DGKZ: variants seen among roughly 807,000 people sequenced by gnomAD.
DGKZ encodes diacylglycerol kinase zeta.
Under a neutral mutation model 142.5 loss-of-function variants are expected in DGKZ, and 45 were observed. The ratio of observed to expected loss-of-function variants is 0.32; its 90% CI spans 0.25 to 0.40. The LOEUF is 0.40. DGKZ is among the 10% of genes least tolerant of loss of function. DGKZ has a pLI of 1.00. For missense variants in DGKZ, 755 were observed against 1,306.5 expected (o/e 0.58, Z 6.51); for synonymous variants, 442 against 527.0 (o/e 0.84, Z 2.21).
chr11:46,371,737 G>A (rs1943970760), exon 9 of DGKZ: 1 of 1,613,786 alleles, frequency 6.2e-7, no homozygotes, highest in East Asian at 2.2e-5. Flanking sequence ...GAAGAAGAGG[G>A]CATCCTTCAA....
At chr11:46,345,157 A>G (rs1590385199), upstream of DGKZ, 1 of 797,860 alleles carries the variant, frequency 1.3e-6, no homozygotes, top group African/African-American at 1.8e-5. The surrounding 1 kb of genome is among the most constrained non-coding windows in gnomAD (Gnocchi z 4.1). Flanking sequence ...AAAACCAGAC[A>G]GGAGCCCAGG....
exon 28 of DGKZ, chr11:46,379,101 G>A (rs765562392): frequency 4.4e-6 from 7 of 1,607,262 alleles, no homozygotes; most frequent in Non-Finnish European, 5.1e-6. Context: ...TCCGCTACCT[G>A]CTGGACCACG....
chr11:46,373,400 C>T (rs1157206734), intron 14 of DGKZ, among the ~76,000 whole-genome samples: 1 of 151,114 alleles, frequency 6.6e-6, no homozygotes, highest in East Asian at 1.9e-4. Context: ...GATTCTCCTG[C>T]CTCAGCCTCC....
chr11:46,361,423 C>CA (rs1444908517), intron 1 of DGKZ: 1 of 160,480 alleles, frequency 6.2e-6, no homozygotes. Context: ...AGCTGGGAGG[C>CA]ACGCTCGTGC....
intron 1 of DGKZ, among the ~76,000 whole-genome samples, chr11:46,352,352 C>T (rs1382068626): frequency 6.6e-6 from 1 of 152,170 alleles, no homozygotes; most frequent in Non-Finnish European, 1.5e-5. Flanking sequence ...GGAGCTTCTC[C>T]TTCCGCCAGT....
upstream of DGKZ, chr11:46,345,205 C>T: frequency 1.6e-6 from 2 of 1,276,996 alleles, no homozygotes; most frequent in South Asian, 2.3e-5. The surrounding 1 kb of genome is among the most constrained non-coding windows in gnomAD (Gnocchi z 4.1). Context: ...TGGCTGCCTC[C>T]TGGCTGCTGG....
intron 4 of DGKZ, 72 bp downstream of exon 4, chr11:46,368,151 C>T (rs760807408): frequency 1.3e-6 from 2 of 1,511,006 alleles, no homozygotes; most frequent in Non-Finnish European, 1.8e-6. Flanking sequence ...GCACTCACAC[C>T]CACATGTTAT....
upstream of DGKZ, chr11:46,345,517 A>C (rs1473039152): frequency 6.6e-7 from 1 of 1,520,924 alleles, no homozygotes; most frequent in Non-Finnish European, 8.8e-7. This position sits in a 1 kb window ranked among gnomAD's most constrained non-coding sequence, Gnocchi z 4.1. Flanking sequence ...GGCCGGGGTC[A>C]CTGAGGCAGA....
intron 1 of DGKZ, among the ~76,000 whole-genome samples, chr11:46,339,896 C>T (rs887116087): frequency 6.6e-6 from 1 of 152,200 alleles, no homozygotes; most frequent in Admixed American, 6.5e-5. Flanking sequence ...TCTTCAATGA[C>T]ATACAAAGAG....
At chr11:46,376,130 T>C (rs1190963215) in exon 22 of DGKZ, 1 of 1,611,054 alleles carries the variant, frequency 6.2e-7, no homozygotes, top group Non-Finnish European at 8.5e-7. Context: ...GTGCCCACAT[T>C]GAGAGACTCC....
Position 46,347,948 on chromosome 11 carries a change from G to A in DGKZ, c.161+128G>A. ...CTGACACTGAGTCGGGGAGAGGCTGGCACCGGCGGCACGAGCCGTCTTGGC... is the reference window on the plus strand; with the variant it reads ...CTGACACTGAGTCGGGGAGAGGCTGACACCGGCGGCACGAGCCGTCTTGGC... On this transcript the variant is annotated intron_variant, in intron 1 of 30. Transcript: ENST00000527911. The surrounding 1 kb of genome is among the most constrained non-coding windows in gnomAD (Gnocchi z 6.4). 1 of 1,215,408 alleles carries A rather than the reference G, an allele frequency of 8.2e-7. No homozygotes were observed. The highest frequency in any genetic ancestry group is 1.0e-6 in the Non-Finnish European group (1 of 964,524). 75.3% of individuals were successfully genotyped at this position (1,215,408 alleles called of 1,614,324 possible). A position where few individuals can be genotyped will look rare whatever the true frequency, so the allele number is the denominator to read the frequency against.
Position 46,374,586 on chromosome 11 carries a change from G to A in DGKZ, c.1462-18G>A, listed in dbSNP as rs776691025. On this transcript the variant is annotated intron_variant, in intron 16 of 30. Coordinates refer to ENST00000527911, the Ensembl canonical transcript of DGKZ. ...AAGATCTCTGTCAGCAGATGGTGAC[G>A]CCCTCTGTCTCCCACAGACAGCTTT... 1.6e-5 allele frequency: 25 copies of A among 1,590,072 alleles called. No homozygotes were observed. The highest frequency in any genetic ancestry group is 8.5e-5 in the Admixed American group (5 of 58,706).
At chr11:46,364,108 C>T (rs1160799478) in intron 1 of DGKZ, among the ~76,000 whole-genome samples, 1 of 152,222 alleles carries the variant, frequency 6.6e-6, no homozygotes, top group African/African-American at 2.4e-5. Context: ...GGTTCCCTTT[C>T]CTACCCCATC....
Position 46,367,154 on chromosome 11 carries a change from T to TA in DGKZ, c.162-136dup. On this transcript the variant is annotated intron_variant, in intron 1 of 30. Transcript: ENST00000527911. The surrounding 1 kb of genome is among the most constrained non-coding windows in gnomAD (Gnocchi z 4.1). The stretch of plus-strand genomic sequence containing the variant: ...GCCATGTCTCTTGCAGGGAGCCTCT[T>TA]AGTGTCTGGGGCTGCTGGGAGGCTC... The TA allele has an allele frequency of 8.1e-7, 1 of 1,234,774 alleles. No homozygotes were observed. The highest frequency in any genetic ancestry group is 1.3e-5 in the South Asian group (1 of 76,876). The allele number at this position is 1,234,774 out of a possible 1,614,324, so 76.5% of individuals were successfully genotyped here. A position where few individuals can be genotyped will look rare whatever the true frequency, so the allele number is the denominator to read the frequency against.
rs529684270 is a variant in DGKZ, at chr11:46,375,409, A to G, written c.1711-23A>G. 9.7e-5 allele frequency: 151 copies of G among 1,554,344 alleles called. 3 individuals are homozygous for G. The South Asian group carries it at 1.8e-3, about 18-fold the overall frequency. On this transcript the variant is annotated intron_variant, in intron 19 of 30. Coordinates refer to ENST00000527911, the Ensembl canonical transcript of DGKZ. Reference sequence around the variant, plus strand: ...CTGCCCCCAGCCCTGGTGCCATCTGACCCAAGCTTCCTGTGCCCACAGGCC... The same window carrying G: ...CTGCCCCCAGCCCTGGTGCCATCTGGCCCAAGCTTCCTGTGCCCACAGGCC...
chr11:46,372,481 C>T lies in DGKZ; in HGVS notation c.981C>T (p.Phe327=), dbSNP rs766327652. ...GGTATCTCAATCCCCGACAAGTCTT[C>T]GACCTGAGCCAGGGAGGGCCCAAGG... Residue 327 remains phenylalanine, a synonymous_variant, in exon 11 of 31, where the codon TTC becomes TTT. Transcript: ENST00000527911. The surrounding 1 kb of genome is among the most constrained non-coding windows in gnomAD (Gnocchi z 5.9). 1.9e-6 allele frequency: 3 copies of T among 1,613,914 alleles called. No individual in the cohort carries two copies. Among genetic ancestry groups the T allele is most frequent in the East Asian group, 2.2e-5 (1 of 44,900 alleles).
intron 1 of DGKZ, among the ~76,000 whole-genome samples, chr11:46,339,164 G>GCGGGTC (rs1940159053): frequency 6.6e-6 from 1 of 152,244 alleles, no homozygotes; most frequent in Admixed American, 6.5e-5. Context: ...GCACGCTGCT[G>GCGGGTC]CGGGTCCACG....
At chr11:46,378,920 G>T in intron 27 of DGKZ, 71 bp from the exon 28 acceptor site, 1 of 1,494,300 alleles carries the variant, frequency 6.7e-7, no homozygotes, top group Admixed American at 2.3e-5. Flanking sequence ...CCGGCTGTGG[G>T]CCAGCGTGTG....
intron 1 of DGKZ, among the ~76,000 whole-genome samples, chr11:46,351,967 A>T (rs1941438668): frequency 6.6e-6 from 1 of 152,134 alleles, no homozygotes; most frequent in Non-Finnish European, 1.5e-5. Flanking sequence ...TTGGCACAGG[A>T]GCTTGAGAGT....
Sources: allele counts gnomAD v4.1 joint callset (sites outside exome capture counted in the v4.1 genomes callset), GRCh38; gene constraint gnomAD v4.1.1; non-coding constraint Gnocchi (gnomAD v3.1); transcripts MANE v1.5; gene names NCBI Gene and HGNC (gene_info 2026-07-23, HGNC 2026-07-21).